The following MARCHF3 variants were observed in gnomAD, a reference collection of about 807,000 sequenced individuals.
The protein encoded by MARCHF3 is E3 ubiquitin-protein ligase MARCHF3.
A neutral mutation model predicts 24.2 loss-of-function variants in MARCHF3; 13 were observed. The ratio of observed to expected loss-of-function variants is 0.54; its 90% CI spans 0.35 to 0.85. The LOEUF (loss-of-function observed/expected upper bound fraction) is 0.85, where lower values mean the gene tolerates loss of function less well. MARCHF3 is among the 40% of genes least tolerant of loss of function. The probability of loss-of-function intolerance (pLI) is 0.01; values close to 1 mark genes in which losing one functional copy is unlikely to be tolerated. For missense variants in MARCHF3, 276 were observed against 325.0 expected, an observed-to-expected ratio of 0.85 and a Z score of 1.16; for synonymous variants, 144 against 137.3, an observed-to-expected ratio of 1.05 and a Z score of -0.34.
intron 3 of MARCHF3, among the ~76,000 whole-genome samples, chr5:126,887,266 A>C (rs1273775224): frequency 6.6e-6 from 1 of 152,242 alleles, no homozygotes; most frequent in Non-Finnish European, 1.5e-5. Context: ...AAAAAAAATC[A>C]CATCTTTATT....
chr5:126,917,454 T>C (rs1748914998), intron 2 of MARCHF3, among the ~76,000 whole-genome samples: 1 of 152,092 alleles, frequency 6.6e-6, no homozygotes, highest in African/African-American at 2.4e-5. Context: ...TGGGGGACCA[T>C]TGAGGCTGAA....
intron 1 of MARCHF3, among the ~76,000 whole-genome samples, chr5:126,960,476 C>T (rs1235188141): frequency 6.6e-6 from 1 of 151,922 alleles, no homozygotes; most frequent in African/African-American, 2.4e-5. Flanking sequence ...TATTCAATAC[C>T]CTTACAGAAG....
intron 3 of MARCHF3, among the ~76,000 whole-genome samples, chr5:126,914,007 G>T (rs895316067): frequency 1.5e-5 from 2 of 130,296 alleles, no homozygotes; most frequent in African/African-American, 5.9e-5. Flanking sequence ...TTTTTGAGAC[G>T]GAGTCTTGCT....
chr5:126,956,167 T>C (rs547481535), intron 1 of MARCHF3, among the ~76,000 whole-genome samples: 140 of 152,348 alleles, frequency 9.2e-4, no homozygotes, highest in African/African-American at 3.0e-3. Flanking sequence ...GAACCTGTTT[T>C]TAAACAGTTT....
chr5:126,878,126 G>A (rs1753227120), intron 4 of MARCHF3, 59 bp downstream of exon 4: 3 of 1,540,800 alleles, frequency 1.9e-6, no homozygotes, highest in Non-Finnish European at 2.7e-6. Flanking sequence ...AAAGGCTTGT[G>A]CCAGCTGTGA....
In MARCHF3 at chr5:126,882,418, G is replaced by T. The variant is rs554638198; in HGVS notation, c.394-4024C>A. ...AATTCTTTTGCCAAACCACGATGAGGTCTAATTTCTGGGTGTTTAATCTCA... is the reference window on the plus strand; with the variant it reads ...AATTCTTTTGCCAAACCACGATGAGTTCTAATTTCTGGGTGTTTAATCTCA... On this transcript the variant is annotated intron_variant, in intron 3 of 4. Coordinates refer to ENST00000308660, the MANE Select transcript of MARCHF3 (RefSeq NM_178450.5). Among the ~76,000 whole-genome samples the T allele has an allele frequency of 1.3e-4, 20 of 152,284 alleles. No individual in the cohort carries two copies. The South Asian group carries it at 4.1e-3, about 32-fold the overall frequency.
intron 1 of MARCHF3, among the ~76,000 whole-genome samples, chr5:127,023,273 C>A (rs567895445): frequency 3.3e-5 from 5 of 152,198 alleles, no homozygotes; most frequent in Admixed American, 6.5e-5. Context: ...TATAAAAACT[C>A]TGTCCTCCCT....
At position 126,952,880 on chromosome 5, in the gene MARCHF3, A is replaced by G. The variant is rs1232994643; in HGVS notation, c.-56-34653T>C. Among the ~76,000 whole-genome samples, 3 of 152,188 alleles carry G rather than the reference A, an allele frequency of 2.0e-5. No homozygotes were observed. The East Asian group carries it at 5.8e-4, about 29-fold the overall frequency. On this transcript the variant is annotated intron_variant, in intron 1 of 4. Transcript: ENST00000308660. ...GCCTATAATCTTAATTGTCTTCCAC[A>G]GATTCTCTAGAAATAAATTCCAGAA... is the stretch of plus-strand genomic sequence containing the variant.
intron 1 of MARCHF3, among the ~76,000 whole-genome samples, chr5:126,937,195 C>G (rs1171563219): frequency 6.6e-6 from 1 of 152,248 alleles, no homozygotes; most frequent in East Asian, 1.9e-4. Context: ...CAAGTTCATG[C>G]CTGAACCCTT....
At chr5:126,896,008 C>G (rs561162008) in intron 3 of MARCHF3, among the ~76,000 whole-genome samples, 1 of 152,232 alleles carries the variant, frequency 6.6e-6, no homozygotes, top group East Asian at 1.9e-4. Context: ...GGGATATAAT[C>G]TGGTGCGCCG....
In MARCHF3 at chr5:126,898,141, T is replaced by G. The variant is rs376992485; in HGVS notation, c.393+16789A>C. The stretch of plus-strand genomic sequence containing the variant: ...CTAAAATCAACTGTGGTGATGACTA[T>G]ACAACCGTGAAAATACAAAATACCA... On this transcript the variant is annotated intron_variant, in intron 3 of 4. Coordinates refer to ENST00000308660, the MANE Select transcript of MARCHF3 (RefSeq NM_178450.5). Among the ~76,000 whole-genome samples the G allele has an allele frequency of 2.6e-4, 39 of 152,194 alleles. 1 individual carries two copies. The highest frequency in any genetic ancestry group is 9.4e-4 in the African/African-American group (39 of 41,486).
At chr5:126,961,998 G>A (rs1299030115) in intron 1 of MARCHF3, among the ~76,000 whole-genome samples, 2 of 152,144 alleles carry the variant, frequency 1.3e-5, no homozygotes, top group Admixed American at 1.3e-4. Flanking sequence ...AAGCAACCAT[G>A]GTTACCCATT....
chr5:126,873,048 G>A (rs1380490397), intron 4 of MARCHF3, among the ~76,000 whole-genome samples: 3 of 152,086 alleles, frequency 2.0e-5, no homozygotes, highest in Admixed American at 1.3e-4. Context: ...GGAACATTAC[G>A]GGAAAGCTGG....
In MARCHF3 at chr5:126,968,019, T is replaced by C. The variant is rs190581628; in HGVS notation, c.-56-49792A>G. On this transcript the variant is annotated intron_variant, in intron 1 of 4. Transcript: ENST00000308660. ...CGGGCAACCACTAATCAACTTTGTC[T>C]CTCTGGCTTTATCTACTCTGGATAT... 1.6e-3 allele frequency among the ~76,000 whole-genome samples: 239 copies of C among 152,308 alleles called. 2 individuals carry two copies. Among genetic ancestry groups the C allele is most frequent in the African/African-American group, 5.5e-3 (227 of 41,556 alleles).
intron 1 of MARCHF3, among the ~76,000 whole-genome samples, chr5:126,986,985 C>A (rs1474736842): frequency 6.6e-6 from 1 of 152,184 alleles, no homozygotes; most frequent in Non-Finnish European, 1.5e-5. Flanking sequence ...GCTATGGTGG[C>A]CAGTTGTTTG....
At chr5:127,007,967 G>A (rs1422225219) in intron 1 of MARCHF3, among the ~76,000 whole-genome samples, 1 of 151,822 alleles carries the variant, frequency 6.6e-6, no homozygotes, top group Non-Finnish European at 1.5e-5. Flanking sequence ...AACCACAGCT[G>A]AGCTCGGTAT....
chr5:126,921,113 C>A (rs2126797180), intron 1 of MARCHF3, among the ~76,000 whole-genome samples: 1 of 152,000 alleles, frequency 6.6e-6, no homozygotes, highest in South Asian at 2.1e-4. Flanking sequence ...GTCCAGCATT[C>A]CCTGAAAAAC....
At chr5:126,897,838 A>G (rs1355305651) in intron 3 of MARCHF3, among the ~76,000 whole-genome samples, 1 of 152,142 alleles carries the variant, frequency 6.6e-6, no homozygotes, top group African/African-American at 2.4e-5. Flanking sequence ...GTTGAGGAAA[A>G]AAAATCAGAA....
chr5:126,873,002 T>C (rs1753025293), intron 4 of MARCHF3, among the ~76,000 whole-genome samples: 1 of 152,154 alleles, frequency 6.6e-6, no homozygotes, highest in Non-Finnish European at 1.5e-5. Context: ...ATTATACTAA[T>C]AAGGAACTTT....
Sources: gnomAD v4.1 joint callset for allele counts (sites outside exome capture counted in the v4.1 genomes callset) on GRCh38, gnomAD v4.1.1 for gene constraint, MANE v1.5 for transcripts, NCBI Gene and HGNC (gene_info 2026-07-23, HGNC 2026-07-21) for gene names.